Variants in ACP1 observed in about 807,000 individuals in gnomAD.
ACP1 encodes the protein acid phosphatase 1.
ACP1 carries 23 observed loss-of-function variants against 23.4 expected under a neutral mutation model. The ratio of observed to expected loss-of-function variants is 0.98; its 90% CI spans 0.71 to 1.39. The LOEUF is 1.39. Ranked by LOEUF, ACP1 falls within the 40% of genes most tolerant of loss-of-function variation. The pLI, the probability that ACP1 is intolerant of heterozygous loss-of-function variation, is 0.00. For synonymous variants in ACP1, 72 were observed against 67.2 expected (o/e 1.07, Z -0.35); for missense variants, 180 against 197.7 (o/e 0.91, Z 0.54).
intron 1 of ACP1, among the ~76,000 whole-genome samples, chr2:269,890 G>T (rs1188503444): frequency 6.6e-6 from 1 of 152,208 alleles, no homozygotes; most frequent in African/African-American, 2.4e-5. Context: ...CTACACAGCT[G>T]TGCATTGGTC....
chr2:270,082 C>G (rs1669989064), intron 1 of ACP1, among the ~76,000 whole-genome samples: 1 of 152,172 alleles, frequency 6.6e-6, no homozygotes, highest in Non-Finnish European at 1.5e-5. Flanking sequence ...CTTACAAGGT[C>G]TCTCCAATTC....
At chr2:266,234 T>C (rs892321861) in intron 1 of ACP1, 2 of 152,256 alleles carry the variant, frequency 1.3e-5, no homozygotes, top group Non-Finnish European at 2.9e-5. Flanking sequence ...CAATATATGA[T>C]AAACGCTGAC....
chr2:273,532 G>A (rs544420073), intron 3 of ACP1, among the ~76,000 whole-genome samples: 2 of 152,286 alleles, frequency 1.3e-5, no homozygotes, highest in East Asian at 1.9e-4. Context: ...CCTGTAGTTC[G>A]CGGCTGCTTT....
Position 277,390 on chromosome 2 carries a change from A to G in ACP1, c.*86A>G, listed in dbSNP as rs889612434. 7 of 1,180,912 alleles carry G rather than the reference A, an allele frequency of 5.9e-6. 1 individual carries two copies. The highest frequency in any genetic ancestry group is 8.9e-6 in the Non-Finnish European group (7 of 786,882). The allele number at this position is 1,180,912 out of a possible 1,614,324, so 73.2% of individuals were successfully genotyped here. A position where few individuals can be genotyped will look rare whatever the true frequency, so the allele number is the denominator to read the frequency against. On this transcript the variant is annotated 3_prime_UTR_variant, in exon 6 of 6. Coordinates refer to ENST00000272065, the MANE Select transcript of ACP1 (RefSeq NM_004300.4). ...CTCAGTCGGTGTGTAATCACGTTCC[A>G]GGGCCCAAAGCCCAGCTCTTTGTTC...
At chr2:268,787 G>A (rs190326929) in intron 1 of ACP1, among the ~76,000 whole-genome samples, 2 of 152,324 alleles carry the variant, frequency 1.3e-5, no homozygotes, top group African/African-American at 4.8e-5. Flanking sequence ...TGTTTGATAG[G>A]CGAAACCTGA....
chr2:271,687 T>C (rs888170161), intron 1 of ACP1, among the ~76,000 whole-genome samples, 179 bp from the exon 2 acceptor site: 9 of 152,286 alleles, frequency 5.9e-5, no homozygotes, highest in Middle Eastern at 6.8e-3. Context: ...CCTGATAGGC[T>C]GTTCTCCAGC....
chr2:265,126 G>A, intron 1 of ACP1, 119 bp downstream of exon 1: 5 of 1,260,584 alleles, frequency 4.0e-6, no homozygotes, highest in South Asian at 2.6e-5. Flanking sequence ...CAGGGACTGG[G>A]AGGCCTAGGG....
intron 3 of ACP1, 96 bp from the exon 4 acceptor site, chr2:275,044 C>T: frequency 2.0e-6 from 1 of 499,802 alleles, no homozygotes; most frequent in Non-Finnish European, 3.5e-6. Flanking sequence ...GTAACAGGCT[C>T]AAATACAGCA....
Position 265,070 on chromosome 2 carries a change from G to A in ACP1, c.43+63G>A, listed in dbSNP as rs979777928. On this transcript the variant is annotated intron_variant, in intron 1 of 5. Transcript: ENST00000272065. ...CTGGAGAGTTGGATCGGGCTTGTGCGCTGTAGGTTGTGCCGCCGGCCTAGG... is the reference window on the plus strand; with the variant it reads ...CTGGAGAGTTGGATCGGGCTTGTGCACTGTAGGTTGTGCCGCCGGCCTAGG... 2.5e-6 allele frequency: 4 copies of A among 1,594,746 alleles called. No homozygotes were observed. The Admixed American group carries it at 6.9e-5, about 27-fold the overall frequency.
At chr2:272,518 G>A (rs1670074213) in intron 3 of ACP1, 7 of 1,410,730 alleles carry the variant, frequency 5.0e-6, no homozygotes, top group Non-Finnish European at 4.6e-6. Flanking sequence ...ATAAAAGCTA[G>A]GTAATTTATA....
In ACP1 at chr2:272,044, T is replaced by C. The variant is rs1440168760; in HGVS notation, c.125T>C (p.Val42Ala). ...ATGTTTCTTCCCCTGCAGTGGAGGG[T>C]AGACAGCGCGGCAACTTCCGGGTAT... The part of the protein sequence containing the change: ...TDQNISENWR[V>A]DSAATSGYEI... Residue 42 changes from valine to alanine, a missense_variant, in exon 3 of 6, where the codon GTA (valine) becomes GCA (alanine). This residue lies in a region of ACP1 where 132 missense variants were observed against 124.1 expected (regional missense o/e 1.06). Transcript: ENST00000272065. 1.9e-6 allele frequency: 3 copies of C among 1,610,298 alleles called. No individual in the cohort carries two copies. The East Asian group carries it at 6.7e-5, about 36-fold the overall frequency.
chr2:277,117 G>GA (rs1670195908), intron 5 of ACP1, 32 bp downstream of exon 5: 3 of 1,575,978 alleles, frequency 1.9e-6, no homozygotes, highest in Non-Finnish European at 1.7e-6. Context: ...GGGCTAATAT[G>GA]AAGACCCAAC....
chr2:271,502 G>A (rs1412706709), intron 1 of ACP1, among the ~76,000 whole-genome samples: 1 of 152,054 alleles, frequency 6.6e-6, no homozygotes, highest in African/African-American at 2.4e-5. Context: ...TTTTTATTCT[G>A]TTGTATTTCA....
intron 4 of ACP1, chr2:275,422 G>C (rs548457681): frequency 6.2e-5 from 20 of 323,228 alleles, no homozygotes; most frequent in Non-Finnish European, 1.1e-4. Flanking sequence ...GGAAAGTCTA[G>C]TTGTTAATAG....
In ACP1 at chr2:277,344, C is replaced by A; in HGVS notation, c.*40C>A. The A allele has an allele frequency of 6.4e-7, 1 of 1,568,710 alleles. No homozygotes were observed. The highest frequency in any genetic ancestry group is 8.8e-7 in the Non-Finnish European group (1 of 1,140,352). On this transcript the variant is annotated 3_prime_UTR_variant, in exon 6 of 6. Coordinates refer to ENST00000272065, the MANE Select transcript of ACP1 (RefSeq NM_004300.4). ...CTGCTGCGGCCAGCCTGACTAGACC[C>A]CACCCTGAGGTCCTGCATTTCTCAG...
At chr2:273,665 G>A (rs1050016423) in intron 3 of ACP1, among the ~76,000 whole-genome samples, 1 of 152,170 alleles carries the variant, frequency 6.6e-6, no homozygotes, top group Non-Finnish European at 1.5e-5. Context: ...GCCACAAGCT[G>A]TTTCATTTAT....
chr2:267,759 C>G (rs1669928898), intron 1 of ACP1, among the ~76,000 whole-genome samples: 1 of 152,160 alleles, frequency 6.6e-6, no homozygotes, highest in East Asian at 1.9e-4. Flanking sequence ...TCCTTTAGGG[C>G]AGGAGTCTGC....
chr2:275,055 G>GT (rs144670341), intron 3 of ACP1, 85 bp from the exon 4 acceptor site: 44,745 of 499,556 alleles, frequency 0.09, 771 homozygotes, highest in African/African-American at 0.13. Flanking sequence ...AAATACAGCA[G>GT]TTTTTTTTTT....
chr2:276,809 G>A (rs1670186227), intron 4 of ACP1, among the ~76,000 whole-genome samples, 171 bp from the exon 5 acceptor site: 1 of 152,182 alleles, frequency 6.6e-6, no homozygotes, highest in Non-Finnish European at 1.5e-5. Flanking sequence ...AGAGGGCAGT[G>A]GCATACAGCT....
Sources: allele counts gnomAD v4.1 joint callset (sites outside exome capture counted in the v4.1 genomes callset), GRCh38; gene constraint gnomAD v4.1.1; regional missense constraint gnomAD v4.1.1; transcripts MANE v1.5; gene names NCBI Gene and HGNC (gene_info 2026-07-23, HGNC 2026-07-21).